PTPRQ: variants seen among roughly 807,000 people sequenced by gnomAD.
The protein encoded by PTPRQ is protein tyrosine phosphatase receptor type Q, also known as phosphatidylinositol phosphatase PTPRQ.
A neutral mutation model predicts 246.0 loss-of-function variants in PTPRQ; 199 were observed. The ratio of observed to expected loss-of-function variants is 0.81; its 90% CI spans 0.72 to 0.91. The LOEUF is 0.91. Among genes scored for constraint, PTPRQ ranks in the 40% least tolerant of loss-of-function variants. The pLI is 0.00. For missense variants in PTPRQ, 2,624 were observed against 2,528.4 expected, an observed-to-expected ratio of 1.04 and a Z score of -0.81; for synonymous variants, 869 against 853.2, an observed-to-expected ratio of 1.02 and a Z score of -0.32.
chr12:80,493,476 C>G (rs1228683762), intron 10 of PTPRQ, 21 bp downstream of exon 10: 18 of 1,541,686 alleles, frequency 1.2e-5, no homozygotes, highest in Non-Finnish European at 1.6e-5. Flanking sequence ...TTTTGATTTT[C>G]TATAAAGTTC....
At chr12:80,663,744 T>A (rs79678287) in intron 39 of PTPRQ, among the ~76,000 whole-genome samples, 2,406 of 152,012 alleles carry the variant, frequency 0.016, 67 homozygotes, top group African/African-American at 0.055. Flanking sequence ...CATGACCTCA[T>A]CACTTTCTGC....
intron 6 of PTPRQ, chr12:80,465,547 A>C (rs1893366932): frequency 6.6e-6 from 1 of 152,258 alleles, no homozygotes. Flanking sequence ...GTAGAGACAC[A>C]ACCAAAAAAG....
intron 2 of PTPRQ, among the ~76,000 whole-genome samples, chr12:80,445,256 T>G (rs954113550): frequency 3.3e-5 from 5 of 151,972 alleles, no homozygotes; most frequent in Non-Finnish European, 5.9e-5. Context: ...GCAACAAAAG[T>G]ATATTCGGCA....
chr12:80,531,566 G>A (rs1895843811), intron 17 of PTPRQ, among the ~76,000 whole-genome samples: 1 of 152,138 alleles, frequency 6.6e-6, no homozygotes, highest in Non-Finnish European at 1.5e-5. Flanking sequence ...AGAGATTTAT[G>A]TGTTATCTGC....
chr12:80,542,893 A>G lies in PTPRQ; in HGVS notation c.3873+12A>G. On this transcript the variant is annotated intron_variant, in intron 23 of 44. Transcript: ENST00000644991. ...CTATATATTATAAGGTAGGTTGATT[A>G]TAACAGTATATGTTTATTTTTAAAA... 1 of 1,406,820 alleles carries G rather than the reference A, an allele frequency of 7.1e-7. No individual in the cohort carries two copies. 87.1% of individuals were successfully genotyped at this position (1,406,820 alleles called of 1,614,324 possible). A position where few individuals can be genotyped will look rare whatever the true frequency, so the allele number is the denominator to read the frequency against.
intron 3 of PTPRQ, among the ~76,000 whole-genome samples, chr12:80,455,421 C>G (rs78989200): frequency 6.6e-6 from 1 of 152,014 alleles, no homozygotes; most frequent in South Asian, 2.1e-4. Flanking sequence ...ATTTTTCTTC[C>G]AAATCTTCTT....
chr12:80,510,038 T>A (rs1479435733), intron 16 of PTPRQ, among the ~76,000 whole-genome samples: 3 of 152,114 alleles, frequency 2.0e-5, no homozygotes, highest in Non-Finnish European at 2.9e-5. Flanking sequence ...TTGACCAAGA[T>A]GTACTTGAAC....
intron 25 of PTPRQ, among the ~76,000 whole-genome samples, chr12:80,557,701 G>A (rs1298997869): frequency 6.6e-6 from 1 of 152,160 alleles, no homozygotes; most frequent in African/African-American, 2.4e-5. Flanking sequence ...ATAATACAGA[G>A]AAATCCTTCA....
chr12:80,628,008 GTAATC>G (rs1899270760), intron 33 of PTPRQ, among the ~76,000 whole-genome samples: 1 of 151,864 alleles, frequency 6.6e-6, no homozygotes. Flanking sequence ...CTTTGAAATG[GTAATC>G]TAATCTAAAA....
intron 1 of PTPRQ, 118 bp downstream of exon 1, chr12:80,444,517 C>A: frequency 1.4e-6 from 1 of 730,500 alleles, no homozygotes; most frequent in Non-Finnish European, 2.3e-6. Flanking sequence ...CTGACTTAGG[C>A]TGTGATAACG....
chr12:80,619,597 G>C, intron 31 of PTPRQ, 55 bp downstream of exon 31: 1 of 1,327,414 alleles, frequency 7.5e-7, no homozygotes, highest in South Asian at 2.6e-5. Flanking sequence ...ATTACTGAGT[G>C]CTAAAAAGAA....
chr12:80,648,962 T>A, intron 36 of PTPRQ, 39 bp downstream of exon 36: 1 of 1,491,352 alleles, frequency 6.7e-7, no homozygotes. Flanking sequence ...TTTTTGAATA[T>A]CAAAGTTAGA....
At chr12:80,484,397 TC>T in intron 8 of PTPRQ, 35 bp from the exon 9 acceptor site, 2 of 1,395,322 alleles carry the variant, frequency 1.4e-6, no homozygotes, top group Non-Finnish European at 1.9e-6. Context: ...ATTTTTAATT[TC>T]CCCCTTTTCT....
At chr12:80,574,761 T>TA (rs2080852959) in intron 25 of PTPRQ, among the ~76,000 whole-genome samples, 1 of 152,214 alleles carries the variant, frequency 6.6e-6, no homozygotes, top group African/African-American at 2.4e-5. Flanking sequence ...GTCAGGTTGT[T>TA]ATACGTGTCA....
chr12:80,570,860 G>T lies in PTPRQ; in HGVS notation c.4286-17269G>T, dbSNP rs963967827. On this transcript the variant is annotated intron_variant, in intron 25 of 44. Coordinates refer to ENST00000644991, the MANE Select transcript of PTPRQ (RefSeq NM_001145026.2). ...ATAGGGAATCATTTCCCCATTGCTT[G>T]TTTCTGTCATTTTTGTCAAAGATCA... is the stretch of plus-strand genomic sequence containing the variant. Among the ~76,000 whole-genome samples, 5 of 152,064 alleles carry T rather than the reference G, an allele frequency of 3.3e-5. No individual in the cohort carries two copies. The South Asian group carries it at 8.3e-4, about 25-fold the overall frequency.
intron 26 of PTPRQ, among the ~76,000 whole-genome samples, chr12:80,592,513 G>T (rs969269119): frequency 2.6e-5 from 4 of 152,046 alleles, no homozygotes; most frequent in African/African-American, 4.8e-5. Flanking sequence ...TATATATGGT[G>T]AAATAACATA....
chr12:80,502,768 G>C (rs1894840877), intron 14 of PTPRQ, among the ~76,000 whole-genome samples: 2 of 151,872 alleles, frequency 1.3e-5, no homozygotes, highest in East Asian at 3.9e-4. Flanking sequence ...AGGAATATTG[G>C]CAGTTATTGG....
At chr12:80,612,603 C>A (rs1010990430) in intron 28 of PTPRQ, among the ~76,000 whole-genome samples, 9 of 150,272 alleles carry the variant, frequency 6.0e-5, no homozygotes, top group African/African-American at 2.2e-4. Flanking sequence ...AATGGAATAG[C>A]CACAATGGAA....
chr12:80,606,184 C>G (rs982006444), intron 27 of PTPRQ, among the ~76,000 whole-genome samples: 2 of 150,966 alleles, frequency 1.3e-5, no homozygotes, highest in African/African-American at 2.4e-5. Context: ...TGGCAGTCCT[C>G]CAGGTCAATA....
Sources: gnomAD v4.1 joint callset for allele counts (sites outside exome capture counted in the v4.1 genomes callset) on GRCh38, gnomAD v4.1.1 for gene constraint, MANE v1.5 for transcripts, NCBI Gene and HGNC (gene_info 2026-07-23, HGNC 2026-07-21) for gene names.